EEF1AKMT1: variants seen among roughly 807,000 people sequenced by gnomAD.
EEF1AKMT1 encodes the protein N-6 adenine-specific DNA methyltransferase 2 (putative).
EEF1AKMT1 carries 18 observed loss-of-function variants against 21.0 expected under a neutral mutation model. That is an observed-to-expected ratio of 0.86 (90% CI 0.59 to 1.27). The LOEUF (loss-of-function observed/expected upper bound fraction) is 1.27. Ranked by LOEUF, EEF1AKMT1 falls within the 50% of genes most tolerant of loss-of-function variation. The probability of loss-of-function intolerance (pLI) is 0.00; values close to 1 mark genes in which losing one functional copy is unlikely to be tolerated. For missense variants in EEF1AKMT1, 246 were observed against 258.6 expected (o/e 0.95, Z 0.33); for synonymous variants, 109 against 94.8 (o/e 1.15, Z -0.87).
rs79198872 is a variant in EEF1AKMT1, at chr13:20,752,668, T to G, written c.144+4787A>C. On this transcript the variant is annotated intron_variant, in intron 2 of 4. Transcript: ENST00000382758. Reference sequence around the variant, plus strand: ...GATAATGCTGGCCTCATAGAATGAATTAGGGAGAATTCTCTCCACTTCAAA... The same window carrying G: ...GATAATGCTGGCCTCATAGAATGAAGTAGGGAGAATTCTCTCCACTTCAAA... Among the ~76,000 whole-genome samples the G allele has an allele frequency of 2.8e-3, 433 of 152,260 alleles. 4 individuals carry two copies. In the South Asian group the frequency reaches 0.033, roughly 12 times the overall value.
In EEF1AKMT1 at chr13:20,731,952, G is replaced by T. The variant is rs576476935; in HGVS notation, c.397C>A (p.His133Asn). The T allele has an allele frequency of 1.9e-6, 3 of 1,614,198 alleles. No homozygotes were observed. The East Asian group carries it at 6.7e-5, about 36-fold the overall frequency. Residue 133 changes from histidine to asparagine, a missense_variant, in exon 4 of 5, where the codon CAT (histidine) becomes AAT (asparagine). Physicochemically the swap from His to Asn is moderately conservative, Grantham distance 68. Transcript: ENST00000382758. Reference sequence around the variant, plus strand: ...TCTGCTATTACGATGTCAAAACTATGTGCAGCAATTCTTTCGGGTAAGTCC... The same window carrying T: ...TCTGCTATTACGATGTCAAAACTATTTGCAGCAATTCTTTCGGGTAAGTCC... ...PLDLPERIAAHSFDIVIADPP... is the reference protein window; with the variant it reads ...PLDLPERIAANSFDIVIADPP...
chr13:20,731,853 G>T lies in EEF1AKMT1; in HGVS notation c.496C>A (p.Leu166Met). The part of the protein sequence containing the change: ...TVKYLTRGKI[L>M]LCTGAIMEEQ... The stretch of plus-strand genomic sequence containing the variant: ...ATGCAGCACCTACCTGTGCACAGCA[G>T]AATCTTGCCCCGCGTCAGGTACTTG... The change falls in exon 4 of 5, where the codon CTG becomes ATG. Residue 166 changes from leucine (L) to methionine (M), a missense_variant. By Grantham distance (15) the Leu-to-Met change is conservative. Transcript: ENST00000382758. 6.2e-7 allele frequency: 1 copy of T among 1,613,542 alleles called. No homozygotes were observed. The highest frequency in any genetic ancestry group is 8.5e-7 in the Non-Finnish European group (1 of 1,179,538).
intron 1 of EEF1AKMT1, among the ~76,000 whole-genome samples, chr13:20,760,060 G>A (rs1479653472): frequency 1.5e-5 from 2 of 131,076 alleles, no homozygotes; most frequent in Admixed American, 1.9e-4. Context: ...AGCTGAGATT[G>A]CGCCACTGCA....
chr13:20,741,800 G>A (rs1331169033), intron 2 of EEF1AKMT1, among the ~76,000 whole-genome samples: 1 of 152,096 alleles, frequency 6.6e-6, no homozygotes, highest in Non-Finnish European at 1.5e-5. Context: ...CAATGAAAGA[G>A]AAAAGTGATC....
At chr13:20,744,591 G>C (rs2058892014) in intron 2 of EEF1AKMT1, among the ~76,000 whole-genome samples, 1 of 152,010 alleles carries the variant, frequency 6.6e-6, no homozygotes, top group Non-Finnish European at 1.5e-5. Context: ...TTAGACCTTT[G>C]TCAGATGAGT....
intron 2 of EEF1AKMT1, among the ~76,000 whole-genome samples, chr13:20,743,102 T>C (rs2058881549): frequency 6.6e-6 from 1 of 152,184 alleles, no homozygotes; most frequent in African/African-American, 2.4e-5. Flanking sequence ...AGTCTCACTC[T>C]GTTGCCCAGC....
rs768572062 is a variant in EEF1AKMT1, at chr13:20,731,960, A to G, written c.389T>C (p.Ile130Thr). ...TACGATGTCAAAACTATGTGCAGCA[A>G]TTCTTTCGGGTAAGTCCAATGGATT... ...YNNPLDLPER[I>T]AAHSFDIVIA... Residue 130 changes from isoleucine to threonine, a missense_variant, in exon 4 of 5, where the codon ATT (isoleucine) becomes ACT (threonine). By Grantham distance (89) the Ile-to-Thr change is moderately conservative. Transcript: ENST00000382758. The G allele has an allele frequency of 4.3e-6, 7 of 1,614,132 alleles. No homozygotes were observed. Among genetic ancestry groups the G allele is most frequent in the Admixed American group, 1.7e-5 (1 of 60,008 alleles).
intron 2 of EEF1AKMT1, among the ~76,000 whole-genome samples, chr13:20,743,282 C>T (rs1357321109): frequency 6.6e-6 from 1 of 151,930 alleles, no homozygotes; most frequent in East Asian, 1.9e-4. Context: ...AACCAGGCTG[C>T]TCTCAAACTC....
At chr13:20,735,482 C>T (rs1460463285) in intron 3 of EEF1AKMT1, among the ~76,000 whole-genome samples, 3 of 152,144 alleles carry the variant, frequency 2.0e-5, no homozygotes, top group African/African-American at 4.8e-5. Context: ...TCCAGGCTTT[C>T]AGTCACATGC....
intron 3 of EEF1AKMT1, among the ~76,000 whole-genome samples, chr13:20,734,057 C>T (rs1203629054): frequency 2.6e-5 from 4 of 152,058 alleles, no homozygotes; most frequent in Middle Eastern, 3.2e-3. Context: ...TAGATCAGGG[C>T]GGTAGGAGGG....
chr13:20,771,734 G>C (rs2059063461), intron 1 of EEF1AKMT1, among the ~76,000 whole-genome samples: 1 of 152,222 alleles, frequency 6.6e-6, no homozygotes, highest in Non-Finnish European at 1.5e-5. Flanking sequence ...GAAATGGCCG[G>C]GAGTGGTGGC....
At chr13:20,760,326 C>T (rs1226216720) in intron 1 of EEF1AKMT1, among the ~76,000 whole-genome samples, 1 of 151,964 alleles carries the variant, frequency 6.6e-6, no homozygotes. Context: ...AGAAAATGTG[C>T]TACATATACA....
intron 2 of EEF1AKMT1, among the ~76,000 whole-genome samples, chr13:20,739,228 C>T (rs2058852744): frequency 6.6e-6 from 1 of 152,170 alleles, no homozygotes; most frequent in Non-Finnish European, 1.5e-5. Context: ...AGCTGGAGAC[C>T]TTCACGGTGA....
intron 2 of EEF1AKMT1, among the ~76,000 whole-genome samples, chr13:20,755,768 T>C (rs1055398573): frequency 6.6e-6 from 1 of 152,252 alleles, no homozygotes; most frequent in Admixed American, 6.5e-5. Context: ...ATGCTTTCTA[T>C]ATTTCCTCAA....
At chr13:20,738,885 G>A (rs2058846373) in intron 2 of EEF1AKMT1, among the ~76,000 whole-genome samples, 1 of 151,002 alleles carries the variant, frequency 6.6e-6, no homozygotes, top group Non-Finnish European at 1.5e-5. Context: ...CAACGAAAAT[G>A]TTCTAAAATT....
At chr13:20,739,907 C>T (rs910763942) in intron 2 of EEF1AKMT1, among the ~76,000 whole-genome samples, 5 of 152,240 alleles carry the variant, frequency 3.3e-5, no homozygotes, top group African/African-American at 9.6e-5. Context: ...GCAGAGCTGC[C>T]CACCAGTCCC....
intron 4 of EEF1AKMT1, 28 bp downstream of exon 4, chr13:20,731,813 T>G: frequency 6.3e-7 from 1 of 1,591,200 alleles, no homozygotes; most frequent in Non-Finnish European, 8.6e-7. Flanking sequence ...GTCAGTGACT[T>G]TGATGAGATA....
intron 2 of EEF1AKMT1, among the ~76,000 whole-genome samples, chr13:20,738,437 TA>T (rs1490487286): frequency 6.6e-6 from 1 of 152,214 alleles, no homozygotes; most frequent in Non-Finnish European, 1.5e-5. Flanking sequence ...ATGGAAGAAG[TA>T]GCATGGTTTT....
Position 20,756,159 on chromosome 13 carries a change from A to G in EEF1AKMT1, c.144+1296T>C, listed in dbSNP as rs76129195. On this transcript the variant is annotated intron_variant, in intron 2 of 4. Transcript: ENST00000382758. ...ACAAAAATATTAAAGACTATCAAAA[A>G]ATGATAAGCATACAGAAGCTTCCTT... 4.4e-3 allele frequency among the ~76,000 whole-genome samples: 673 copies of G among 152,342 alleles called. 40 individuals are homozygous for G. The East Asian group carries it at 0.11, about 24-fold the overall frequency.
Sources: allele counts gnomAD v4.1 joint callset (sites outside exome capture counted in the v4.1 genomes callset), GRCh38; gene constraint gnomAD v4.1.1; transcripts MANE v1.5; gene names NCBI Gene and HGNC (gene_info 2026-07-23, HGNC 2026-07-21).